EVC2: variants seen among roughly 807,000 people sequenced by gnomAD.
EVC2 encodes the protein limbin.
In EVC2, 148 loss-of-function variants were observed where a neutral mutation model predicts 149.3. That is an observed-to-expected ratio of 0.99 (90% CI 0.87 to 1.14). EVC2 has a LOEUF of 1.14. Ranked by LOEUF, EVC2 falls within the 50% of genes most tolerant of loss-of-function variation. The probability of loss-of-function intolerance (pLI) is 0.00; values close to 1 mark genes in which losing one functional copy is unlikely to be tolerated. For missense variants in EVC2, 1,854 were observed against 1,627.3 expected (o/e 1.14, Z -2.40); for synonymous variants, 776 against 649.9 (o/e 1.19, Z -2.95).
chr4:5,628,768 C>A, intron 11 of EVC2, 34 bp from the exon 12 acceptor site: 1 of 1,583,998 alleles, frequency 6.3e-7, no homozygotes, highest in South Asian at 1.1e-5. Context: ...GAAAATATGC[C>A]TAATTAAAAT....
intron 8 of EVC2, among the ~76,000 whole-genome samples, chr4:5,665,312 C>A (rs1719193967): frequency 1.3e-5 from 2 of 151,944 alleles, no homozygotes; most frequent in African/African-American, 4.8e-5. Context: ...ACAGCAAGAC[C>A]CTGGCTCTTA....
intron 16 of EVC2, among the ~76,000 whole-genome samples, chr4:5,594,481 A>G (rs1009163990): frequency 1.3e-5 from 2 of 152,244 alleles, no homozygotes; most frequent in Admixed American, 1.3e-4. Context: ...GTGGACCTCT[A>G]GCAAACTCCA....
At chr4:5,645,662 C>T (rs1717658055) in intron 9 of EVC2, among the ~76,000 whole-genome samples, 1 of 152,174 alleles carries the variant, frequency 6.6e-6, no homozygotes, top group Non-Finnish European at 1.5e-5. Flanking sequence ...CAGTCTACCA[C>T]TGATGAGCAT....
intron 16 of EVC2, among the ~76,000 whole-genome samples, chr4:5,608,403 C>T (rs532333896): frequency 2.6e-5 from 4 of 152,342 alleles, no homozygotes; most frequent in African/African-American, 9.6e-5. Context: ...CTCCCACTCT[C>T]AAGACATGAT....
intron 7 of EVC2, among the ~76,000 whole-genome samples, chr4:5,667,305 C>A (rs994122882): frequency 4.6e-5 from 7 of 151,554 alleles, no homozygotes; most frequent in Non-Finnish European, 7.4e-5. Context: ...TGCTTGTTTT[C>A]TAATATTTCT....
intron 16 of EVC2, among the ~76,000 whole-genome samples, chr4:5,604,478 T>A (rs188050440): frequency 6.6e-6 from 1 of 152,140 alleles, no homozygotes; most frequent in East Asian, 1.9e-4. Context: ...ATGTTCATAC[T>A]CATATACGTG....
chr4:5,543,139 C>T, exon 22 of EVC2: 1 of 1,289,814 alleles, frequency 7.8e-7, no homozygotes, highest in Non-Finnish European at 1.0e-6. Flanking sequence ...TCTCATTTTT[C>T]AGACATCCAC....
At chr4:5,623,394 C>T (rs2108840088) in intron 13 of EVC2, among the ~76,000 whole-genome samples, 1 of 151,962 alleles carries the variant, frequency 6.6e-6, no homozygotes, top group Admixed American at 6.5e-5. Context: ...GGCTGGAGTG[C>T]AGTGGCACTA....
At chr4:5,674,827 T>C (rs1719888648) in intron 7 of EVC2, among the ~76,000 whole-genome samples, 1 of 152,030 alleles carries the variant, frequency 6.6e-6, no homozygotes, top group South Asian at 2.1e-4. Context: ...GCGTGGACAA[T>C]GGGCTGGGTA....
intron 21 of EVC2, among the ~76,000 whole-genome samples, chr4:5,555,359 T>G (rs866542381): frequency 8.5e-5 from 13 of 152,300 alleles, no homozygotes; most frequent in East Asian, 1.9e-4. Context: ...TTAGAGATTG[T>G]CAGATGGATT....
At chr4:5,656,560 AAG>A (rs1424598872) in intron 9 of EVC2, among the ~76,000 whole-genome samples, 3 of 152,162 alleles carry the variant, frequency 2.0e-5, no homozygotes, top group African/African-American at 7.2e-5. Context: ...GTGGCCTCCT[AAG>A]AGAGAGCAGA....
Position 5,635,786 on chromosome 4 carries a change from T to C in EVC2, c.1471-3754A>G, listed in dbSNP as rs73794685. Among the ~76,000 whole-genome samples the C allele has an allele frequency of 6.9e-3, 1,047 of 152,278 alleles. 17 individuals are homozygous for C. Among genetic ancestry groups the C allele is most frequent in the African/African-American group, 0.022 (931 of 41,564 alleles). ...GCCTCAGGCAGCCCAGGGCAAGACA[T>C]CTGCTGGGCCTCCTCTTTCAGTGGC... is the stretch of plus-strand genomic sequence containing the variant. On this transcript the variant is annotated intron_variant, in intron 10 of 21. Transcript: ENST00000344408.
At chr4:5,543,017 G>T in intron 22 of EVC2, 1 of 635,620 alleles carries the variant, frequency 1.6e-6, no homozygotes, top group Non-Finnish European at 2.4e-6. Flanking sequence ...GATGCGGGCA[G>T]AGCAGAATTC....
chr4:5,559,548 T>A (rs577740741), downstream of EVC2, among the ~76,000 whole-genome samples: 1 of 152,308 alleles, frequency 6.6e-6, no homozygotes, highest in African/African-American at 2.4e-5. This position sits in a 1 kb window ranked among gnomAD's most constrained non-coding sequence, Gnocchi z 5.0. Context: ...ACGATGCGAA[T>A]CTTTTCTAGT....
At chr4:5,692,783 C>T (rs557381538) in intron 3 of EVC2, among the ~76,000 whole-genome samples, 13 of 141,314 alleles carry the variant, frequency 9.2e-5, no homozygotes, top group South Asian at 7.2e-4. Flanking sequence ...AGGAGAATGG[C>T]GTGAACCCGG....
rs535457564 is a variant in EVC2 at position 5,566,118 on chromosome 4, G to A, written c.3558-759C>T. ...ATGCATATACAAATACAGAAGTTGG[G>A]AAAGTACAGGCGAAGCCTGGAAGGT... On this transcript the variant is annotated intron_variant, in intron 20 of 21. Coordinates refer to ENST00000344408, the MANE Select transcript of EVC2 (RefSeq NM_147127.5). Among the ~76,000 whole-genome samples the A allele has an allele frequency of 2.6e-5, 4 of 152,392 alleles. No individual in the cohort carries two copies. The East Asian group carries it at 7.7e-4, about 29-fold the overall frequency.
chr4:5,681,347 C>A (rs748265399), intron 6 of EVC2, 34 bp from the exon 7 acceptor site: 4 of 1,612,264 alleles, frequency 2.5e-6, no homozygotes, highest in Non-Finnish European at 2.5e-6. Context: ...CTTTCAGCAA[C>A]AGTTTGGGGT....
At chr4:5,678,755 G>A (rs565954453) in intron 7 of EVC2, among the ~76,000 whole-genome samples, 3 of 152,316 alleles carry the variant, frequency 2.0e-5, no homozygotes, top group Non-Finnish European at 1.5e-5. Flanking sequence ...TCCAAGTATG[G>A]AAAAGGTACC....
chr4:5,590,467 C>T (rs1390384727), intron 16 of EVC2, among the ~76,000 whole-genome samples: 3 of 152,302 alleles, frequency 2.0e-5, no homozygotes, highest in Admixed American at 2.0e-4. Flanking sequence ...CCCTCCCTCA[C>T]TAACCATCAT....
Sources: allele counts gnomAD v4.1 joint callset (sites outside exome capture counted in the v4.1 genomes callset), GRCh38; gene constraint gnomAD v4.1.1; non-coding constraint Gnocchi (gnomAD v3.1); transcripts MANE v1.5; gene names NCBI Gene and HGNC (gene_info 2026-07-23, HGNC 2026-07-21).